DLG2: variants seen among roughly 807,000 people sequenced by gnomAD.
DLG2 encodes the protein disks large homolog 2.
In DLG2, 45 loss-of-function variants were observed where a neutral mutation model predicts 132.5. The ratio of observed to expected loss-of-function variants is 0.34; its 90% confidence interval spans 0.27 to 0.44. The LOEUF is 0.44. Among genes scored for constraint, DLG2 ranks in the 20% least tolerant of loss-of-function variants. The pLI is 1.00. For synonymous variants in DLG2, 424 were observed against 419.6 expected (o/e 1.01, Z -0.13); for missense variants, 1,045 against 1,196.9 (o/e 0.87, Z 1.87).
intron 7 of DLG2, among the ~76,000 whole-genome samples, chr11:84,314,381 G>A (rs901605269): frequency 1.3e-5 from 2 of 152,138 alleles, no homozygotes; most frequent in Non-Finnish European, 2.9e-5. Context: ...TCTCAAAACA[G>A]CCTTAGTTTT....
intron 18 of DLG2, among the ~76,000 whole-genome samples, chr11:83,755,739 T>C (rs768703142): frequency 6.6e-6 from 1 of 151,228 alleles, no homozygotes; most frequent in Non-Finnish European, 1.5e-5. Context: ...ATACAGCTTC[T>C]AGGAGAAAGG....
chr11:83,625,700 T>C (rs78714342), intron 19 of DLG2, among the ~76,000 whole-genome samples: 1,957 of 152,328 alleles, frequency 0.013, 57 homozygotes, highest in African/African-American at 0.044. Flanking sequence ...TAAGAGGTTA[T>C]GGGCTGTGCG....
intron 6 of DLG2, among the ~76,000 whole-genome samples, chr11:84,763,512 T>G (rs1372876761): frequency 6.6e-6 from 1 of 152,172 alleles, no homozygotes; most frequent in Non-Finnish European, 1.5e-5. Flanking sequence ...CCAACCCCTC[T>G]GATTGATGCT....
chr11:83,536,442 T>C (rs1035931889), intron 20 of DLG2, among the ~76,000 whole-genome samples: 2 of 152,198 alleles, frequency 1.3e-5, no homozygotes, highest in Non-Finnish European at 2.9e-5. Flanking sequence ...GCTATGTCTG[T>C]GGCTTAGCTT....
At chr11:84,480,175 A>G (rs1371374201) in intron 7 of DLG2, among the ~76,000 whole-genome samples, 1 of 152,136 alleles carries the variant, frequency 6.6e-6, no homozygotes, top group Non-Finnish European at 1.5e-5. Context: ...GAAATCTATT[A>G]TTTTAATTTC....
intron 7 of DLG2, among the ~76,000 whole-genome samples, chr11:84,528,366 A>G (rs2154519529): frequency 6.6e-6 from 1 of 152,354 alleles, no homozygotes; most frequent in Non-Finnish European, 1.5e-5. Context: ...ACAGGCTAAG[A>G]AAGCCCATCC....
chr11:83,677,336 C>A (rs2077917010), intron 18 of DLG2, among the ~76,000 whole-genome samples: 1 of 152,154 alleles, frequency 6.6e-6, no homozygotes, highest in Admixed American at 6.5e-5. Context: ...TTCACAGAGT[C>A]ATCAATTTAA....
chr11:84,808,666 C>T (rs891521120), intron 6 of DLG2, among the ~76,000 whole-genome samples: 49 of 152,016 alleles, frequency 3.2e-4, no homozygotes, highest in African/African-American at 1.2e-3. Flanking sequence ...GAAGTGAGTA[C>T]TACAAACAGT....
intron 7 of DLG2, among the ~76,000 whole-genome samples, chr11:84,372,925 C>A (rs541638330): frequency 6.6e-6 from 1 of 152,004 alleles, no homozygotes; most frequent in Non-Finnish European, 1.5e-5. Context: ...TTGAGAGAGA[C>A]AATCACCTTA....
chr11:85,147,931 G>A (rs887593279), intron 5 of DLG2, among the ~76,000 whole-genome samples: 1 of 151,790 alleles, frequency 6.6e-6, no homozygotes, highest in African/African-American at 2.4e-5. Flanking sequence ...TGGCCCTGGT[G>A]TGTGTTATTC....
chr11:84,279,401 G>A (rs189002872), intron 7 of DLG2, among the ~76,000 whole-genome samples: 11 of 152,268 alleles, frequency 7.2e-5, no homozygotes, highest in African/African-American at 2.4e-4. Flanking sequence ...ATAGTGTGGC[G>A]ATTCCTCAAG....
At chr11:85,264,350 C>T (rs1269427157) in intron 4 of DLG2, among the ~76,000 whole-genome samples, 1 of 152,114 alleles carries the variant, frequency 6.6e-6, no homozygotes, top group Non-Finnish European at 1.5e-5. Context: ...CAGCTTAAGC[C>T]TGATGTTCTA....
At chr11:84,016,312 C>G (rs1048385345) in intron 11 of DLG2, among the ~76,000 whole-genome samples, 6 of 152,032 alleles carry the variant, frequency 3.9e-5, no homozygotes, top group African/African-American at 1.2e-4. Flanking sequence ...TAAAATTTTT[C>G]TCCTATTCTG....
chr11:83,876,643 CA>C (rs2064855737), intron 15 of DLG2, among the ~76,000 whole-genome samples: 1 of 151,930 alleles, frequency 6.6e-6, no homozygotes, highest in Non-Finnish European at 1.5e-5. Flanking sequence ...CACAAGAAAA[CA>C]AAACATATAG....
intron 12 of DLG2, among the ~76,000 whole-genome samples, chr11:83,974,106 G>C (rs911538465): frequency 6.6e-6 from 1 of 152,080 alleles, no homozygotes; most frequent in Non-Finnish European, 1.5e-5. Context: ...TGGTAGGAAA[G>C]AGACATGCTC....
intron 3 of DLG2, among the ~76,000 whole-genome samples, chr11:85,567,057 C>T (rs1028353511): frequency 6.6e-6 from 1 of 152,164 alleles, no homozygotes; most frequent in Non-Finnish European, 1.5e-5. Context: ...TAGTGCCACA[C>T]TGTCTTGATT....
chr11:84,592,302 G>A (rs1478339365), intron 6 of DLG2, among the ~76,000 whole-genome samples: 2 of 152,180 alleles, frequency 1.3e-5, no homozygotes, highest in East Asian at 1.9e-4. Flanking sequence ...AGAACTCACT[G>A]AATTAAAGTA....
intron 6 of DLG2, among the ~76,000 whole-genome samples, chr11:84,909,866 T>A (rs1018055388): frequency 6.6e-6 from 1 of 152,124 alleles, no homozygotes; most frequent in Non-Finnish European, 1.5e-5. Flanking sequence ...GCACTGACCA[T>A]CCCCCGCATA....
At chr11:83,538,390 T>C (rs77870003) in intron 20 of DLG2, among the ~76,000 whole-genome samples, 5 of 152,196 alleles carry the variant, frequency 3.3e-5, no homozygotes, top group African/African-American at 1.2e-4. Flanking sequence ...CAGTTGCTCA[T>C]AGAGACATCA....
Sources: allele counts gnomAD v4.1 joint callset (sites outside exome capture counted in the v4.1 genomes callset), GRCh38; gene constraint gnomAD v4.1.1; transcripts MANE v1.5; gene names NCBI Gene and HGNC (gene_info 2026-07-23, HGNC 2026-07-21).